The following TAFA1 variants were observed in gnomAD, a reference collection of about 807,000 sequenced individuals.
TAFA1 encodes chemokine-like protein TAFA-1.
TAFA1 carries 4 observed loss-of-function variants against 18.5 expected under a neutral mutation model. The observed-to-expected ratio is 0.22, with a 90% CI of 0.11 to 0.49. The LOEUF (loss-of-function observed/expected upper bound fraction) is 0.49, where lower values mean the gene tolerates loss of function less well. Among genes scored for constraint, TAFA1 ranks in the 20% least tolerant of loss-of-function variants. The probability of loss-of-function intolerance (pLI) is 0.98; values close to 1 mark genes in which losing one functional copy is unlikely to be tolerated. For synonymous variants in TAFA1, 56 were observed against 55.2 expected, an observed-to-expected ratio of 1.01 and a Z score of -0.06; for missense variants, 147 against 169.0, an observed-to-expected ratio of 0.87 and a Z score of 0.72.
intron 2 of TAFA1, among the ~76,000 whole-genome samples, chr3:68,013,567 A>G (rs1704513628): frequency 6.6e-6 from 1 of 152,206 alleles, no homozygotes; most frequent in Admixed American, 6.5e-5. Context: ...TTCACTTGGC[A>G]AATAGGGAAA....
intron 2 of TAFA1, among the ~76,000 whole-genome samples, chr3:68,266,221 T>G (rs2067543858): frequency 6.6e-6 from 1 of 152,150 alleles, no homozygotes; most frequent in Admixed American, 6.6e-5. Flanking sequence ...GGATGGTCAT[T>G]TAAGCTTTTA....
intron 2 of TAFA1, among the ~76,000 whole-genome samples, chr3:68,071,516 G>A (rs1345236488): frequency 6.6e-6 from 1 of 152,136 alleles, no homozygotes; most frequent in Non-Finnish European, 1.5e-5. Flanking sequence ...ATCAGGGAAG[G>A]CTCACTGGAA....
chr3:68,246,589 CAAAAAAAAAAAAAAAAAAAA>C (rs63748968), intron 2 of TAFA1, among the ~76,000 whole-genome samples: 4 of 55,374 alleles, frequency 7.2e-5, no homozygotes, highest in East Asian at 4.0e-4. Context: ...GACTCCGTCT[CAAAAAAAAAAAAAAAAAAAA>C]AAAAAAAAAA....
intron 2 of TAFA1, among the ~76,000 whole-genome samples, chr3:68,263,414 T>C (rs1402012067): frequency 1.4e-5 from 2 of 146,310 alleles, no homozygotes; most frequent in East Asian, 4.0e-4. Flanking sequence ...TAATCCCTCT[T>C]AGGTAGAACA....
intron 2 of TAFA1, among the ~76,000 whole-genome samples, chr3:68,285,845 T>C (rs2067989786): frequency 6.6e-6 from 1 of 152,138 alleles, no homozygotes; most frequent in African/African-American, 2.4e-5. Flanking sequence ...AGCAAAGATA[T>C]GAAGCAAGAA....
chr3:68,466,689 C>G (rs1477250531), intron 3 of TAFA1, among the ~76,000 whole-genome samples: 1 of 152,028 alleles, frequency 6.6e-6, no homozygotes, highest in Non-Finnish European at 1.5e-5. Context: ...CCTAATAGCC[C>G]CTGATTTCAA....
intron 2 of TAFA1, among the ~76,000 whole-genome samples, chr3:68,017,325 G>C (rs1037277933): frequency 5.3e-5 from 8 of 152,332 alleles, no homozygotes; most frequent in African/African-American, 1.9e-4. Flanking sequence ...CAACACTTTT[G>C]ACAGTTGCTT....
chr3:68,011,657 A>C (rs913752052), intron 2 of TAFA1, among the ~76,000 whole-genome samples: 1 of 152,206 alleles, frequency 6.6e-6, no homozygotes, highest in Non-Finnish European at 1.5e-5. Flanking sequence ...GGGTACAACT[A>C]TGGTCGCATA....
At chr3:68,132,359 T>C (rs1246857835) in intron 2 of TAFA1, among the ~76,000 whole-genome samples, 1 of 152,246 alleles carries the variant, frequency 6.6e-6, no homozygotes, top group African/African-American at 2.4e-5. Context: ...TGTGTCTTTA[T>C]AGTAGAATGA....
chr3:68,135,560 A>G (rs1022956249), intron 2 of TAFA1, among the ~76,000 whole-genome samples: 1 of 152,150 alleles, frequency 6.6e-6, no homozygotes, highest in Non-Finnish European at 1.5e-5. Flanking sequence ...CCAAGCCTCT[A>G]TTTTCTTGCT....
chr3:68,202,859 A>G (rs1328498947), intron 2 of TAFA1, among the ~76,000 whole-genome samples: 1 of 151,712 alleles, frequency 6.6e-6, no homozygotes, highest in Non-Finnish European at 1.5e-5. Flanking sequence ...AGAATAAAAA[A>G]ACAAAAATTT....
intron 2 of TAFA1, among the ~76,000 whole-genome samples, chr3:68,043,077 G>A (rs1430865274): frequency 6.6e-6 from 1 of 152,058 alleles, no homozygotes; most frequent in Non-Finnish European, 1.5e-5. Flanking sequence ...TAGAGACGGG[G>A]TTTCACCATG....
chr3:68,456,357 G>A lies in TAFA1; in HGVS notation c.259+38937G>A, dbSNP rs552251393. On this transcript the variant is annotated intron_variant, in intron 3 of 4. Coordinates refer to ENST00000478136, the MANE Select transcript of TAFA1 (RefSeq NM_213609.4). ...TCCTTACCAATAAATGTCCTTTGTG[G>A]CATTTTTTCCCCTGGAATAGGACAC... Among the ~76,000 whole-genome samples the A allele has an allele frequency of 1.8e-3, 277 of 152,124 alleles. 2 individuals are homozygous for A. Among genetic ancestry groups the A allele is most frequent in the African/African-American group, 6.4e-3 (264 of 41,500 alleles).
intron 2 of TAFA1, among the ~76,000 whole-genome samples, chr3:68,032,167 A>T (rs1159412073): frequency 6.6e-6 from 1 of 152,152 alleles, no homozygotes; most frequent in Non-Finnish European, 1.5e-5. Flanking sequence ...TCTGGTCTAT[A>T]TGAGATTCAT....
At chr3:68,319,087 T>C (rs1036341262) in intron 2 of TAFA1, among the ~76,000 whole-genome samples, 4 of 152,180 alleles carry the variant, frequency 2.6e-5, no homozygotes, top group Non-Finnish European at 5.9e-5. Context: ...TTTGGCATAT[T>C]AAGACTATAA....
chr3:68,456,581 T>G (rs1287016700), intron 3 of TAFA1, among the ~76,000 whole-genome samples: 22 of 152,230 alleles, frequency 1.4e-4, no homozygotes, highest in Admixed American at 1.3e-3. Flanking sequence ...GGTTTAGATC[T>G]TTCACCTTCC....
rs115874946 is a variant in TAFA1, at chr3:68,076,042, A to G, written c.118+69298A>G. ...AAAAAGAAATCCATCCCAATCATCT[A>G]GGAAAAATCTCCATCAGCAGAATCA... On this transcript the variant is annotated intron_variant, in intron 2 of 4. Coordinates refer to ENST00000478136, the MANE Select transcript of TAFA1 (RefSeq NM_213609.4). 1.7e-3 allele frequency among the ~76,000 whole-genome samples: 263 copies of G among 152,284 alleles called. 1 individual carries two copies. Among genetic ancestry groups the G allele is most frequent in the African/African-American group, 6.0e-3 (248 of 41,566 alleles).
intron 2 of TAFA1, among the ~76,000 whole-genome samples, chr3:68,208,430 A>G (rs1352696117): frequency 6.6e-6 from 1 of 151,940 alleles, no homozygotes; most frequent in Non-Finnish European, 1.5e-5. Context: ...CTGTGTATGT[A>G]GGGTCCCACC....
intron 3 of TAFA1, among the ~76,000 whole-genome samples, chr3:68,526,465 A>G (rs2073112664): frequency 6.6e-6 from 1 of 152,162 alleles, no homozygotes; most frequent in Non-Finnish European, 1.5e-5. Context: ...TGAACTCAAT[A>G]CCAGGAATTT....
Sources: gnomAD v4.1 joint callset for allele counts (sites outside exome capture counted in the v4.1 genomes callset) on GRCh38, gnomAD v4.1.1 for gene constraint, MANE v1.5 for transcripts, NCBI Gene and HGNC (gene_info 2026-07-23, HGNC 2026-07-21) for gene names.